HEATR5B: variants seen among roughly 807,000 people sequenced by gnomAD.
HEATR5B encodes the protein HEAT repeat-containing protein 5B.
Under a neutral mutation model 224.1 loss-of-function variants are expected in HEATR5B, and 156 were observed. The observed-to-expected ratio is 0.70, with a 90% CI of 0.61 to 0.80. The LOEUF (loss-of-function observed/expected upper bound fraction) is 0.80, where lower values mean the gene tolerates loss of function less well. HEATR5B is among the 30% of genes least tolerant of loss of function. The pLI is 0.00. For synonymous variants in HEATR5B, 1,027 were observed against 893.0 expected (o/e 1.15, Z -2.68); for missense variants, 2,323 against 2,535.5 (o/e 0.92, Z 1.80).
intron 13 of HEATR5B, 58 bp from the exon 14 acceptor site, chr2:37,058,618 T>A (rs563593638): frequency 2.5e-6 from 3 of 1,208,806 alleles, no homozygotes; most frequent in Admixed American, 3.6e-5. Context: ...TACTTATAAA[T>A]TTTTTTAGCA....
chr2:37,072,882 T>A (rs1671990041), intron 5 of HEATR5B, among the ~76,000 whole-genome samples: 1 of 152,156 alleles, frequency 6.6e-6, no homozygotes. Flanking sequence ...AATTGACAAC[T>A]TAGAGGAAAT....
chr2:36,982,134 A>G (rs1476461473), intron 35 of HEATR5B, among the ~76,000 whole-genome samples: 1 of 152,142 alleles, frequency 6.6e-6, no homozygotes. Flanking sequence ...GGCATTCTAG[A>G]ATCAGGAGAT....
At position 37,058,544 on chromosome 2, in the gene HEATR5B, T is replaced by C. The variant is rs1671055277; in HGVS notation, c.1966A>G (p.Lys656Glu). The stretch of plus-strand genomic sequence containing the variant: ...GCTTTCAGATGAGCTCCATGGGCTT[T>C]CATTACAGATGGAATGCTAAAATAT... ...TMMSHIPSVMKAHGAHLKASA... is the reference protein window; with the variant it reads ...TMMSHIPSVMEAHGAHLKASA... Residue 656 changes from lysine (K) to glutamate (E), a missense_variant, in exon 14 of 36, where the codon AAA (lysine) becomes GAA (glutamate). By Grantham distance (56) the Lys-to-Glu change is moderately conservative. Transcript: ENST00000233099. 6.2e-7 allele frequency: 1 copy of C among 1,607,854 alleles called. No individual in the cohort carries two copies. Among genetic ancestry groups the C allele is most frequent in the African/African-American group, 1.3e-5 (1 of 74,804 alleles).
chr2:37,059,412 G>A (rs1324013183), intron 12 of HEATR5B, among the ~76,000 whole-genome samples: 2,369 of 54,950 alleles, frequency 0.043, 33 homozygotes, highest in South Asian at 0.064. Context: ...GTATATGTGT[G>A]TGTGTGTGTG....
At chr2:37,064,495 T>A (rs1442035441) in intron 10 of HEATR5B, among the ~76,000 whole-genome samples, 2 of 151,920 alleles carry the variant, frequency 1.3e-5, no homozygotes, top group Non-Finnish European at 2.9e-5. Flanking sequence ...GCTGTTTTTT[T>A]TCTCTTTCCC....
chr2:37,065,936 A>C, intron 8 of HEATR5B, 26 bp from the exon 9 acceptor site: 1 of 1,583,990 alleles, frequency 6.3e-7, no homozygotes, highest in East Asian at 2.3e-5. Flanking sequence ...CATGTCTTTG[A>C]CATAGGAGAA....
rs1437708653 is a variant in HEATR5B at position 37,008,963 on chromosome 2, G to A, written c.4285-115C>T. ...CAAAGATAACTGGGTATAGATATTA[G>A]AAAGTATACACTTTGGCTGGGTGCG... On this transcript the variant is annotated intron_variant, in intron 27 of 35. Transcript: ENST00000233099. The A allele has an allele frequency of 5.0e-6, 4 of 794,992 alleles. No homozygotes were observed. In the African/African-American group the frequency reaches 7.0e-5, roughly 14 times the overall value. The allele number at this position is 794,992 out of a possible 1,614,324, so 49.2% of individuals were successfully genotyped here. A position where few individuals can be genotyped will look rare whatever the true frequency, so the allele number is the denominator to read the frequency against.
intron 18 of HEATR5B, among the ~76,000 whole-genome samples, chr2:37,049,330 G>A (rs919127899): frequency 3.3e-5 from 5 of 152,146 alleles, no homozygotes; most frequent in South Asian, 2.1e-4. Flanking sequence ...AAGGGAGGGA[G>A]GAGAGAAAAT....
intron 4 of HEATR5B, among the ~76,000 whole-genome samples, chr2:37,076,665 AAGCC>A (rs1393446416): frequency 9.2e-5 from 14 of 151,840 alleles, no homozygotes; most frequent in African/African-American, 3.4e-4. Context: ...AAAAAAAAAA[AAGCC>A]AATCCAAAAG....
At chr2:37,056,955 G>T (rs1670950841) in intron 15 of HEATR5B, among the ~76,000 whole-genome samples, 1 of 152,144 alleles carries the variant, frequency 6.6e-6, no homozygotes, top group African/African-American at 2.4e-5. Flanking sequence ...AATGTATTCA[G>T]TGGGCAAAAG....
rs1249468132 is a variant in HEATR5B, at chr2:37,064,774, T to C, written c.1550A>G (p.Gln517Arg). ...AMAALLGGVH[Q>R]CPLGIPHAKG... ...GGCATGAGGAATGCCCAAAGGACACTGATGTACTCCACCTAACAAAGCAGC... is the reference window on the plus strand; with the variant it reads ...GGCATGAGGAATGCCCAAAGGACACCGATGTACTCCACCTAACAAAGCAGC... The change falls in exon 10 of 36, where the codon CAG becomes CGG. Residue 517 changes from glutamine (Q) to arginine (R), a missense_variant. This residue lies in a region of HEATR5B where 502 missense variants were observed against 517.8 expected (regional missense o/e 0.97). Transcript: ENST00000233099. 1 of 1,613,978 alleles carries C rather than the reference T, an allele frequency of 6.2e-7. No individual in the cohort carries two copies. Among genetic ancestry groups the C allele is most frequent in the African/African-American group, 1.3e-5 (1 of 74,924 alleles).
chr2:37,052,216 A>G (rs563503606), intron 17 of HEATR5B, among the ~76,000 whole-genome samples: 55 of 152,362 alleles, frequency 3.6e-4, no homozygotes, highest in African/African-American at 1.3e-3. Context: ...TTTATGATAG[A>G]GTGCCTAGTA....
chr2:37,079,413 C>G, intron 2 of HEATR5B, 82 bp from the exon 3 acceptor site: 2 of 647,958 alleles, frequency 3.1e-6, no homozygotes, highest in Non-Finnish European at 5.3e-6. Flanking sequence ...ACACTTAACA[C>G]TTAAGGCACT....
chr2:37,051,560 A>G (rs1670552729), intron 17 of HEATR5B, among the ~76,000 whole-genome samples: 2 of 152,036 alleles, frequency 1.3e-5, no homozygotes, highest in South Asian at 4.1e-4. Flanking sequence ...CATATCTATG[A>G]AGAAAAGTGT....
chr2:37,061,362 A>C (rs1038370137), intron 11 of HEATR5B, among the ~76,000 whole-genome samples: 9 of 152,228 alleles, frequency 5.9e-5, no homozygotes, highest in African/African-American at 1.7e-4. Context: ...AATTTCCAAC[A>C]GATAGATGCT....
At chr2:37,070,058 T>C (rs971827815) in intron 7 of HEATR5B, among the ~76,000 whole-genome samples, 172 bp downstream of exon 7, 3 of 152,052 alleles carry the variant, frequency 2.0e-5, no homozygotes, top group African/African-American at 4.8e-5. Context: ...CCACCACACC[T>C]GGCTAATTTT....
At chr2:37,045,205 C>G (rs1038080533) in intron 18 of HEATR5B, among the ~76,000 whole-genome samples, 1 of 151,358 alleles carries the variant, frequency 6.6e-6, no homozygotes, top group African/African-American at 2.4e-5. Context: ...ATTTCTGGGC[C>G]GTTTCTATTG....
At chr2:36,984,215 A>AAAAAAAAAAAAAAAAAAATATATATAT in intron 35 of HEATR5B, among the ~76,000 whole-genome samples, 3 of 77,644 alleles carry the variant, frequency 3.9e-5, no homozygotes, top group African/African-American at 5.9e-5. Flanking sequence ...AAAAAAAAAA[A>AAAAAAAAAAAAAAAAAAATATATATAT]ATATATATAT....
intron 35 of HEATR5B, 91 bp from the exon 36 acceptor site, chr2:36,981,885 A>T: frequency 1.1e-6 from 1 of 897,216 alleles, no homozygotes; most frequent in Admixed American, 2.9e-5. Flanking sequence ...GACTGAACAT[A>T]ATAAAATATA....
Sources: allele counts gnomAD v4.1 joint callset (sites outside exome capture counted in the v4.1 genomes callset), GRCh38; gene constraint gnomAD v4.1.1; regional missense constraint gnomAD v4.1.1; transcripts MANE v1.5; gene names NCBI Gene and HGNC (gene_info 2026-07-23, HGNC 2026-07-21).